Variants in CDKAL1 observed in about 807,000 individuals in gnomAD.
CDKAL1 encodes CDKAL1 threonylcarbamoyladenosine tRNA methylthiotransferase.
Under a neutral mutation model 68.2 loss-of-function variants are expected in CDKAL1, and 32 were observed. That is an observed-to-expected ratio of 0.47 (90% CI 0.35 to 0.63). CDKAL1 has a LOEUF of 0.63. CDKAL1 is among the 30% of genes least tolerant of loss of function. CDKAL1 has a pLI of 0.00. For missense variants in CDKAL1, 606 were observed against 696.7 expected (o/e 0.87, Z 1.47); for synonymous variants, 234 against 244.3 (o/e 0.96, Z 0.39).
chr6:20,564,848 G>A (rs1764394602), intron 4 of CDKAL1, among the ~76,000 whole-genome samples: 1 of 152,144 alleles, frequency 6.6e-6, no homozygotes, highest in African/African-American at 2.4e-5. Context: ...CTTTGAAAAT[G>A]TAGCAAAACC....
intron 5 of CDKAL1, among the ~76,000 whole-genome samples, chr6:20,707,192 A>G (rs1420971280): frequency 6.6e-6 from 1 of 152,208 alleles, no homozygotes; most frequent in Non-Finnish European, 1.5e-5. Context: ...AGCAGTGGAT[A>G]GCCACCTGCT....
At chr6:20,687,069 T>C (rs1770660711) in intron 5 of CDKAL1, among the ~76,000 whole-genome samples, 4 of 152,220 alleles carry the variant, frequency 2.6e-5, no homozygotes, top group Admixed American at 2.6e-4. Context: ...TATAATTCTT[T>C]TTATACATTG....
chr6:20,806,910 G>A (rs1377455417), intron 8 of CDKAL1, among the ~76,000 whole-genome samples: 5 of 152,168 alleles, frequency 3.3e-5, no homozygotes, highest in African/African-American at 1.2e-4. Context: ...GTAAAAATAT[G>A]TGTGAAGCAG....
intron 4 of CDKAL1, among the ~76,000 whole-genome samples, chr6:20,642,147 C>T (rs1012060640): frequency 6.6e-6 from 1 of 151,880 alleles, no homozygotes; most frequent in African/African-American, 2.4e-5. Flanking sequence ...GATATAAATG[C>T]AAAACCATAT....
Position 20,946,925 on chromosome 6 carries a change from T to C in CDKAL1, c.743-8494T>C, listed in dbSNP as rs531768679. The stretch of plus-strand genomic sequence containing the variant: ...TCATCCATACCTTTTATCTTGCTTT[T>C]AAAATTTTTATTAGCACTTATTTTT... On this transcript the variant is annotated intron_variant, in intron 9 of 15. Coordinates refer to ENST00000274695, the MANE Select transcript of CDKAL1 (RefSeq NM_017774.3). 5.3e-5 allele frequency among the ~76,000 whole-genome samples: 8 copies of C among 152,334 alleles called. No homozygotes were observed. In the South Asian group the frequency reaches 1.2e-3, roughly 24 times the overall value.
intron 9 of CDKAL1, among the ~76,000 whole-genome samples, chr6:20,909,467 G>C (rs1240247957): frequency 6.6e-6 from 1 of 152,158 alleles, no homozygotes; most frequent in Non-Finnish European, 1.5e-5. Context: ...GCTTTAAAAG[G>C]CCGCTAGTTA....
intron 9 of CDKAL1, among the ~76,000 whole-genome samples, chr6:20,953,235 C>G (rs1483761270): frequency 6.6e-6 from 1 of 152,136 alleles, no homozygotes; most frequent in Non-Finnish European, 1.5e-5. Flanking sequence ...CTATTGGTCC[C>G]CACCTATGCA....
At chr6:21,203,151 G>A (rs905982038) in intron 15 of CDKAL1, among the ~76,000 whole-genome samples, 1 of 145,910 alleles carries the variant, frequency 6.9e-6, no homozygotes, top group Non-Finnish European at 1.5e-5. Context: ...CTGGGCGCAA[G>A]CAATCGTCCC....
chr6:20,712,261 G>A (rs1055030440), intron 5 of CDKAL1, among the ~76,000 whole-genome samples: 8 of 152,132 alleles, frequency 5.3e-5, no homozygotes, highest in East Asian at 3.9e-4. Context: ...ACAGGAGAAT[G>A]TATGAGAAAA....
chr6:21,083,932 A>T (rs1772556701), intron 12 of CDKAL1, among the ~76,000 whole-genome samples: 1 of 152,190 alleles, frequency 6.6e-6, no homozygotes, highest in Non-Finnish European at 1.5e-5. Flanking sequence ...TTCTCAGAAG[A>T]TCTGAGAAGG....
chr6:21,008,246 TG>T (rs997413808), intron 11 of CDKAL1, among the ~76,000 whole-genome samples: 3 of 152,174 alleles, frequency 2.0e-5, no homozygotes, highest in Non-Finnish European at 4.4e-5. Context: ...GATAAATGCT[TG>T]GGAGTAATCA....
intron 9 of CDKAL1, among the ~76,000 whole-genome samples, chr6:20,859,153 A>G (rs1251065850): frequency 6.6e-6 from 1 of 152,168 alleles, no homozygotes; most frequent in Admixed American, 6.5e-5. Flanking sequence ...AAATTTATAG[A>G]TTAACTTTGA....
chr6:21,187,944 A>G (rs530084236), intron 13 of CDKAL1, among the ~76,000 whole-genome samples: 8 of 152,060 alleles, frequency 5.3e-5, no homozygotes, highest in African/African-American at 1.9e-4. Context: ...CCCATTTGTG[A>G]AAAAAAAGGA....
chr6:20,891,560 G>A (rs4363020), intron 9 of CDKAL1, among the ~76,000 whole-genome samples: 110,321 of 145,268 alleles, frequency 0.76, 41,726 homozygotes, highest in East Asian at 0.81. Flanking sequence ...TTTTGAGACG[G>A]AGTCTCACTC....
At chr6:20,553,768 G>A (rs927867221) in intron 4 of CDKAL1, among the ~76,000 whole-genome samples, 4 of 152,286 alleles carry the variant, frequency 2.6e-5, no homozygotes, top group East Asian at 1.9e-4. Context: ...GCGATACCAT[G>A]CCTGACTGAT....
At chr6:21,115,750 A>G (rs1774373819) in intron 13 of CDKAL1, among the ~76,000 whole-genome samples, 2 of 152,236 alleles carry the variant, frequency 1.3e-5, no homozygotes, top group Non-Finnish European at 1.5e-5. Flanking sequence ...CAGGGAAGTC[A>G]GTACCTCAAT....
chr6:20,934,900 ATTT>A (rs35030815), intron 9 of CDKAL1, among the ~76,000 whole-genome samples: 1 of 136,632 alleles, frequency 7.3e-6, no homozygotes. Flanking sequence ...CGCCTTATAC[ATTT>A]TTTTTTTTTT....
At chr6:20,963,567 A>G (rs1261969079) in intron 10 of CDKAL1, among the ~76,000 whole-genome samples, 1 of 152,212 alleles carries the variant, frequency 6.6e-6, no homozygotes, top group Non-Finnish European at 1.5e-5. Context: ...GGACCCCAAA[A>G]TAAATGAACT....
intron 12 of CDKAL1, among the ~76,000 whole-genome samples, chr6:21,102,312 T>C (rs1773617979): frequency 6.6e-6 from 1 of 152,194 alleles, no homozygotes; most frequent in Non-Finnish European, 1.5e-5. Flanking sequence ...GCTGACTGAA[T>C]TTAATGGGCC....
Sources: allele counts gnomAD v4.1 joint callset (sites outside exome capture counted in the v4.1 genomes callset), GRCh38; gene constraint gnomAD v4.1.1; transcripts MANE v1.5; gene names NCBI Gene and HGNC (gene_info 2026-07-23, HGNC 2026-07-21).